The following KLC2 variants were observed in gnomAD, a reference collection of about 807,000 sequenced individuals.
KLC2 encodes the protein KLC 2.
In KLC2, 35 loss-of-function variants were observed where a neutral mutation model predicts 75.1. That is an observed-to-expected ratio of 0.47 (90% CI 0.36 to 0.62). KLC2 has a LOEUF of 0.62. Ranked by LOEUF, KLC2 falls within the 20% of genes least tolerant of loss-of-function variation. The pLI is 0.00. For missense variants in KLC2, 611 were observed against 833.2 expected, an observed-to-expected ratio of 0.73 and a Z score of 3.28; for synonymous variants, 314 against 336.7, an observed-to-expected ratio of 0.93 and a Z score of 0.74.
At chr11:66,265,620 G>A (rs1377921056) in intron 11 of KLC2, 35 bp from the exon 12 acceptor site, 1 of 1,555,410 alleles carries the variant, frequency 6.4e-7, no homozygotes, top group Non-Finnish European at 8.8e-7. Context: ...CCTGGGTCTG[G>A]GGGAACATGG....
chr11:66,264,159 G>A lies in KLC2; in HGVS notation c.1056G>A (p.Glu352=). 1 of 1,576,050 alleles carries A rather than the reference G, an allele frequency of 6.3e-7. No individual in the cohort carries two copies. Among genetic ancestry groups the A allele is most frequent in the Non-Finnish European group, 8.6e-7 (1 of 1,159,856 alleles). ...EVEYYYRRAL[E]IYATRLGPDD... ...AATATTACTATCGGCGGGCACTGGAGATCTATGCTACACGCCTCGGGCCCG... is the reference window on the plus strand; with the variant it reads ...AATATTACTATCGGCGGGCACTGGAAATCTATGCTACACGCCTCGGGCCCG... The change falls in exon 8 of 16, where the codon GAG becomes GAA. Residue 352 remains glutamate (E), a synonymous_variant. Transcript: ENST00000394067.
rs752145118 is a variant in KLC2 at position 66,263,983 on chromosome 11, G to C, written c.942+31G>C. ...AACAGGCAGGGCTGGGCAGGCTGGGGGTCTGGGAGGCAGGGGCCCGGGCAG... is the reference window on the plus strand; with the variant it reads ...AACAGGCAGGGCTGGGCAGGCTGGGCGTCTGGGAGGCAGGGGCCCGGGCAG... On this transcript the variant is annotated intron_variant, in intron 7 of 15. Coordinates refer to ENST00000394067, the MANE Select transcript of KLC2 (RefSeq NM_001318734.2). 2.2e-5 allele frequency: 35 copies of C among 1,612,416 alleles called. 1 individual carries two copies. The South Asian group carries it at 3.8e-4, about 18-fold the overall frequency.
chr11:66,248,499 C>T, the KLC2 span, among the ~76,000 whole-genome samples: 37 of 152,188 alleles, frequency 2.4e-4, no homozygotes, highest in African/African-American at 8.2e-4. Context: ...CACCTGTAAT[C>T]GCAGCTACTC....
chr11:66,264,174 C>G lies in KLC2; in HGVS notation c.1071C>G (p.Arg357=), dbSNP rs757703688. ...GGGCACTGGAGATCTATGCTACACG[C>G]CTCGGGCCCGATGACCCCAATGTGG... ...YRRALEIYAT[R]LGPDDPNVAK... Residue 357 remains arginine (R), a synonymous_variant, in exon 8 of 16, where the codon CGC becomes CGG. Transcript: ENST00000394067. 6.4e-7 allele frequency: 1 copy of G among 1,572,024 alleles called. No homozygotes were observed. Among genetic ancestry groups the G allele is most frequent in the Non-Finnish European group, 8.6e-7 (1 of 1,157,638 alleles).
At position 66,263,879 on chromosome 11, in the gene KLC2, T is replaced by A. The variant is rs755991825; in HGVS notation, c.869T>A (p.Val290Asp). 1 of 1,614,060 alleles carries A rather than the reference T, an allele frequency of 6.2e-7. No individual in the cohort carries two copies. Among genetic ancestry groups the A allele is most frequent in the Admixed American group, 1.7e-5 (1 of 60,018 alleles). Reference protein sequence around the residue: ...AVAATLNNLAVLYGKRGKYKE... With the variant: ...AVAATLNNLADLYGKRGKYKE... ...GCTGCGACACTAAACAACCTGGCAG[T>A]CCTGTATGGCAAGAGGGGCAAGTAC... The change falls in exon 7 of 16, where the codon GTC becomes GAC. Residue 290 changes from valine (V) to aspartate (D), a missense_variant. Transcript: ENST00000394067.
chr11:66,263,967 G>T lies in KLC2; in HGVS notation c.942+15G>T. ...TCCGGGAGAAGGTGGGAACAGGCAG[G>T]GCTGGGCAGGCTGGGGGTCTGGGAG... On this transcript the variant is annotated intron_variant, in intron 7 of 15. Coordinates refer to ENST00000394067, the MANE Select transcript of KLC2 (RefSeq NM_001318734.2). 1 of 1,613,318 alleles carries T rather than the reference G, an allele frequency of 6.2e-7. No individual in the cohort carries two copies. The highest frequency in any genetic ancestry group is 8.5e-7 in the Non-Finnish European group (1 of 1,179,398).
chr11:66,247,532 A>G, the KLC2 span, among the ~76,000 whole-genome samples: 1 of 152,024 alleles, frequency 6.6e-6, no homozygotes, highest in Non-Finnish European at 1.5e-5. Context: ...GGTCCTGTCC[A>G]TCCTGCTGCT....
At position 66,263,857 on chromosome 11, in the gene KLC2, G is replaced by A. The variant is rs759622436; in HGVS notation, c.847G>A (p.Ala283Thr). The part of the protein sequence containing the change: ...TLGKDHPAVA[A>T]TLNNLAVLYG... ...TCCGTTCTCCCACCTCCAGGTGGCTGCGACACTAAACAACCTGGCAGTCCT... is the reference window on the plus strand; with the variant it reads ...TCCGTTCTCCCACCTCCAGGTGGCTACGACACTAAACAACCTGGCAGTCCT... Residue 283 changes from alanine (A) to threonine (T), a missense_variant, in exon 7 of 16, where the codon GCG becomes ACG. Physicochemically the swap from Ala to Thr is moderately conservative, Grantham distance 58. Transcript: ENST00000394067. 2 of 1,614,116 alleles carry A rather than the reference G, an allele frequency of 1.2e-6. No individual in the cohort carries two copies. The highest frequency in any genetic ancestry group is 1.7e-5 in the Admixed American group (1 of 60,030).
chr11:66,257,115 G>A (rs1829647894), upstream of KLC2, among the ~76,000 whole-genome samples: 1 of 152,324 alleles, frequency 6.6e-6, no homozygotes, highest in Admixed American at 6.5e-5. Flanking sequence ...ACTGCAGGAA[G>A]GCACTTCGGG....
the KLC2 span, among the ~76,000 whole-genome samples, chr11:66,249,834 G>A: frequency 1.3e-5 from 2 of 152,058 alleles, no homozygotes; most frequent in Non-Finnish European, 2.9e-5. Flanking sequence ...CTCATCCTGC[G>A]CCGCCCCTCC....
intron 15 of KLC2, 115 bp downstream of exon 15, chr11:66,266,605 A>C: frequency 8.4e-7 from 1 of 1,186,648 alleles, no homozygotes; most frequent in Non-Finnish European, 1.3e-6. Flanking sequence ...GCTCTGTCTC[A>C]GGCCTACTTT....
In KLC2 at chr11:66,262,787, T is replaced by G. The variant is rs1447834949; in HGVS notation, c.530-27T>G. ...CCCAGTCCAGTGGGCAGATGGTACA[T>G]CTGACCTCCTGCCCTTGGCCCTGCA... is the stretch of plus-strand genomic sequence containing the variant. On this transcript the variant is annotated intron_variant, in intron 4 of 15. Transcript: ENST00000394067. 2.6e-6 allele frequency: 4 copies of G among 1,552,168 alleles called. No individual in the cohort carries two copies. In the South Asian group the frequency reaches 4.5e-5, roughly 17 times the overall value.
chr11:66,250,668 A>G, the KLC2 span, among the ~76,000 whole-genome samples: 2 of 152,230 alleles, frequency 1.3e-5, no homozygotes. Flanking sequence ...AGAGGTGTCC[A>G]AGAAGATGTC....
rs771844682 is a variant in KLC2 at position 66,267,391 on chromosome 11, C to T, written c.*435C>T. On this transcript the variant is annotated 3_prime_UTR_variant, in exon 16 of 16. Transcript: ENST00000394067. The stretch of plus-strand genomic sequence containing the variant: ...CGCCTCCCTTCAGTCCACGGTACTA[C>T]CCGGGCCTCCCCTCGTCCCTCTTCT... The T allele has an allele frequency of 4.0e-4, 290 of 718,898 alleles. No homozygotes were observed. The highest frequency in any genetic ancestry group is 1.8e-3 in the Middle Eastern group (8 of 4,376). 44.5% of individuals were successfully genotyped at this position (718,898 alleles called of 1,614,324 possible).
chr11:66,251,753 C>G, the KLC2 span, among the ~76,000 whole-genome samples: 7,126 of 152,266 alleles, frequency 0.047, 230 homozygotes, highest in Non-Finnish European at 0.067. Context: ...GCCTGGGCAA[C>G]AAGAGTGAAA....
chr11:66,250,591 C>A, the KLC2 span, among the ~76,000 whole-genome samples: 1 of 152,104 alleles, frequency 6.6e-6, no homozygotes, highest in Non-Finnish European at 1.5e-5. Context: ...GGGAGACAAG[C>A]AGACCATCGC....
rs1473466336 is a variant in KLC2, at chr11:66,262,179, T to G, written c.516T>G (p.Asp172Glu). Residue 172 changes from aspartate to glutamate, a missense_variant, in exon 4 of 16, where the codon GAT becomes GAG. Transcript: ENST00000394067. ...TGGATGACCTGTTCCCCAATGAGGA[T>G]GAGCAGAGCCCAGGTGCGGATGGGC... is the stretch of plus-strand genomic sequence containing the variant. ...DTLDDLFPNE[D>E]EQSPAPSPGG... is the part of the protein sequence containing the mutation. The G allele has an allele frequency of 2.5e-6, 4 of 1,613,312 alleles. No homozygotes were observed. The highest frequency in any genetic ancestry group is 3.4e-6 in the Non-Finnish European group (4 of 1,179,892).
At chr11:66,262,315 A>G in intron 4 of KLC2, 123 bp downstream of exon 4, 1 of 747,962 alleles carries the variant, frequency 1.3e-6, no homozygotes, top group Non-Finnish European at 2.3e-6. Context: ...AGTGTGTTAG[A>G]GCTTCAAGAA....
rs1856445304 is a variant in KLC2, at chr11:66,261,789, G to A, written c.276G>A (p.Lys92=). Residue 92 remains lysine (K), a synonymous_variant, in exon 3 of 16, where the codon AAG becomes AAA. Coordinates refer to ENST00000394067, the MANE Select transcript of KLC2 (RefSeq NM_001318734.2). The part of the protein sequence containing the change: ...SSHLGAVESE[K]QKLRAQVRRL... ...ACCTGGGGGCTGTAGAATCAGAGAAGCAGAAGCTGCGGGCGCAGGTGCGGC... is the reference window on the plus strand; with the variant it reads ...ACCTGGGGGCTGTAGAATCAGAGAAACAGAAGCTGCGGGCGCAGGTGCGGC... 1.9e-6 allele frequency: 3 copies of A among 1,612,770 alleles called. No homozygotes were observed. Among genetic ancestry groups the A allele is most frequent in the Non-Finnish European group, 2.5e-6 (3 of 1,179,966 alleles).
Sources: gnomAD v4.1 joint callset for allele counts (sites outside exome capture counted in the v4.1 genomes callset) on GRCh38, gnomAD v4.1.1 for gene constraint, MANE v1.5 for transcripts, NCBI Gene and HGNC (gene_info 2026-07-23, HGNC 2026-07-21) for gene names.